Variants in MAP3K15 observed in about 807,000 individuals in gnomAD.
MAP3K15 encodes mitogen-activated protein kinase kinase kinase 15.
A neutral mutation model predicts 99.5 loss-of-function variants in MAP3K15; 124 were observed. The ratio of observed to expected loss-of-function variants is 1.25; its 90% CI spans 1.08 to 1.45. The LOEUF is 1.45. MAP3K15 is among the 40% of genes most tolerant of loss of function. The pLI is 0.00. For synonymous variants in MAP3K15, 494 were observed against 439.6 expected, an observed-to-expected ratio of 1.12 and a Z score of -1.55; for missense variants, 1,242 against 1,079.7, an observed-to-expected ratio of 1.15 and a Z score of -2.11.
intron 3 of MAP3K15, among the ~76,000 whole-genome samples, chrX:19,467,221 G>T (rs1187215112): frequency 9.0e-6 from 1 of 110,873 alleles, no homozygotes; most frequent in Non-Finnish European, 1.9e-5. Context: ...GCCATAAACT[G>T]CTCCCCCGCC....
At chrX:19,431,285 G>T (rs2063879148) in intron 7 of MAP3K15, among the ~76,000 whole-genome samples, 153 bp downstream of exon 7, 1 of 110,935 alleles carries the variant, frequency 9.0e-6, no homozygotes, top group Non-Finnish European at 1.9e-5. Flanking sequence ...TCTCAAAAAG[G>T]GAATCTGAAA....
At chrX:19,449,795 C>T (rs778213314) in intron 6 of MAP3K15, among the ~76,000 whole-genome samples, 3 of 109,671 alleles carry the variant, frequency 2.7e-5, no homozygotes, top group Non-Finnish European at 3.9e-5. Context: ...TGTTCTGGTG[C>T]TAAAAGCACT....
rs1465592646 is a variant in MAP3K15 at position 19,360,362 on chromosome X, A to ACTT, written c.*384_*386dup. ...CATTCCAGCAAGTGCTGAAGGGTGTACTTTTTTTGAGACAGGGTCGGGCTC... is the reference window on the plus strand; with the variant it reads ...CATTCCAGCAAGTGCTGAAGGGTGTACTTCTTTTTTTGAGACAGGGTCGGGCTC... On this transcript the variant is annotated 3_prime_UTR_variant, in exon 29 of 29. Transcript: ENST00000338883. The ACTT allele has an allele frequency of 6.5e-6, 1 of 154,735 alleles. No individual in the cohort carries two copies. The highest frequency in any genetic ancestry group is 1.2e-5 in the Non-Finnish European group (1 of 82,409). The allele number at this position is 154,735 out of a possible 1,213,427, so 12.8% of individuals were successfully genotyped here. A position where few individuals can be genotyped will look rare whatever the true frequency, so the allele number is the denominator to read the frequency against.
chrX:19,485,404 C>T (rs777034421), intron 3 of MAP3K15, among the ~76,000 whole-genome samples: 1 of 101,522 alleles, frequency 9.9e-6, no homozygotes, highest in East Asian at 3.1e-4. Context: ...TAAATGGGAC[C>T]AAAAAAAGTC....
chrX:19,499,900 C>A (rs1329325903), intron 1 of MAP3K15, among the ~76,000 whole-genome samples: 2 of 112,351 alleles, frequency 1.8e-5, no homozygotes, highest in Admixed American at 1.9e-4. Flanking sequence ...TAAAGTTGTA[C>A]AGCTGAGATT....
At chrX:19,493,569 A>T (rs1330891438) in intron 1 of MAP3K15, among the ~76,000 whole-genome samples, 3 of 111,503 alleles carry the variant, frequency 2.7e-5, no homozygotes, top group African/African-American at 9.8e-5. Context: ...AAAACACCAG[A>T]TTGGAACTTT....
Position 19,360,722 on chromosome X carries a change from ACT to A in MAP3K15, c.*25_*26del, listed in dbSNP as rs762592504. The stretch of plus-strand genomic sequence containing the variant: ...AACAAAACATGTAGCGTGGTGGGAC[ACT>A]CTGCCACAGCTTAGCTGATTGGTAT... On this transcript the variant is annotated 3_prime_UTR_variant, in exon 29 of 29. Coordinates refer to ENST00000338883, the MANE Select transcript of MAP3K15 (RefSeq NM_001001671.4). 19 of 1,132,438 alleles carry A rather than the reference ACT, an allele frequency of 1.7e-5. No individual in the cohort carries two copies. The highest frequency in any genetic ancestry group is 3.6e-5 in the African/African-American group (2 of 56,062). The allele number at this position is 1,132,438 out of a possible 1,213,427, so 93.3% of individuals were successfully genotyped here. A position where few individuals can be genotyped will look rare whatever the true frequency, so the allele number is the denominator to read the frequency against.
At chrX:19,413,106 GT>G (rs1436209306) in intron 11 of MAP3K15, among the ~76,000 whole-genome samples, 1 of 97,479 alleles carries the variant, frequency 1.0e-5, no homozygotes, top group Non-Finnish European at 2.0e-5. Flanking sequence ...TTGTTTTAAT[GT>G]TTTTATACAC....
intron 16 of MAP3K15, 91 bp from the exon 17 acceptor site, chrX:19,392,564 C>A: frequency 8.5e-6 from 8 of 937,317 alleles, no homozygotes; most frequent in Non-Finnish European, 1.2e-5. Context: ...TCTAACCTAA[C>A]CTAAGTGCTT....
chrX:19,417,457 T>C (rs1371545086), intron 9 of MAP3K15, among the ~76,000 whole-genome samples: 2 of 111,624 alleles, frequency 1.8e-5, no homozygotes, highest in Non-Finnish European at 3.8e-5. Context: ...AGCACAGCAG[T>C]CTGAGATCAA....
chrX:19,375,134 A>G lies in MAP3K15; in HGVS notation c.2590-474T>C, dbSNP rs1028022588. Among the ~76,000 whole-genome samples, 3 of 112,590 alleles carry G rather than the reference A, an allele frequency of 2.7e-5. No homozygotes were observed. The South Asian group carries it at 1.1e-3, about 41-fold the overall frequency. On this transcript the variant is annotated intron_variant, in intron 19 of 28. Coordinates refer to ENST00000338883, the MANE Select transcript of MAP3K15 (RefSeq NM_001001671.4). ...AAAACCCACAGAAGAGCCAACAGTC[A>G]GCTCAAAGAGGCATGAGAAAAAGTC...
chrX:19,454,204 G>A (rs1010221548), intron 6 of MAP3K15, among the ~76,000 whole-genome samples: 14 of 111,656 alleles, frequency 1.3e-4, no homozygotes, highest in African/African-American at 3.6e-4. Flanking sequence ...TGGTAGTCTC[G>A]ATCCAAAGAT....
chrX:19,371,283 G>A, intron 23 of MAP3K15, 62 bp downstream of exon 23: 1 of 1,086,372 alleles, frequency 9.2e-7, no homozygotes, highest in South Asian at 2.0e-5. Context: ...GGGGCTATGG[G>A]AGGAGGTGGT....
intron 6 of MAP3K15, 66 bp downstream of exon 6, chrX:19,456,847 G>T: frequency 1.2e-6 from 1 of 839,600 alleles, no homozygotes; most frequent in South Asian, 2.3e-5. Flanking sequence ...GATGTTGAAT[G>T]AAAGAAGGAA....
At position 19,360,747 on chromosome X, in the gene MAP3K15, T is replaced by C; in HGVS notation, c.*2A>G. ...ACTCTGCCACAGCTTAGCTGATTGG[T>C]ATCAAGCCTTGTCTTTGGTTTCTGA... On this transcript the variant is annotated 3_prime_UTR_variant, in exon 29 of 29. Coordinates refer to ENST00000338883, the MANE Select transcript of MAP3K15 (RefSeq NM_001001671.4). 8.3e-7 allele frequency: 1 copy of C among 1,199,430 alleles called. No homozygotes were observed. The highest frequency in any genetic ancestry group is 1.1e-6 in the Non-Finnish European group (1 of 885,903).
chrX:19,362,613 G>C, intron 26 of MAP3K15, 125 bp downstream of exon 26: 1 of 460,440 alleles, frequency 2.2e-6, no homozygotes, highest in Non-Finnish European at 3.8e-6. Context: ...CCCTTTTTAT[G>C]ATTGAGAAGT....
intron 16 of MAP3K15, among the ~76,000 whole-genome samples, chrX:19,393,176 G>A (rs1050772640): frequency 8.1e-5 from 9 of 111,761 alleles, no homozygotes; most frequent in African/African-American, 2.6e-4. Flanking sequence ...TGGCAGGAAC[G>A]GGCCCTCAGA....
At chrX:19,465,979 G>C (rs1474111566) in intron 3 of MAP3K15, among the ~76,000 whole-genome samples, 3 of 109,074 alleles carry the variant, frequency 2.8e-5, no homozygotes, top group Non-Finnish European at 3.8e-5. Context: ...TTTGAGACAA[G>C]GTCTTGCTCT....
intron 11 of MAP3K15, among the ~76,000 whole-genome samples, chrX:19,411,764 G>C (rs2063690180): frequency 9.0e-6 from 1 of 111,552 alleles, no homozygotes; most frequent in Admixed American, 9.5e-5. Context: ...GGAGGGGTGT[G>C]CCTGGCACGT....
Sources: allele counts gnomAD v4.1 joint callset (sites outside exome capture counted in the v4.1 genomes callset), GRCh38; gene constraint gnomAD v4.1.1; transcripts MANE v1.5; gene names NCBI Gene and HGNC (gene_info 2026-07-23, HGNC 2026-07-21).